Variants in PSMA8 observed in about 807,000 individuals in gnomAD.
PSMA8 encodes the protein proteasome 20S subunit alpha 8, also known as proteasome subunit alpha-type 8.
In PSMA8, 18 loss-of-function variants were observed where a neutral mutation model predicts 32.4. The observed-to-expected ratio is 0.56, with a 90% CI of 0.38 to 0.82. The LOEUF (loss-of-function observed/expected upper bound fraction) is 0.82, where lower values mean the gene tolerates loss of function less well. Among genes scored for constraint, PSMA8 ranks in the 40% least tolerant of loss-of-function variants. The pLI is 0.00. For synonymous variants in PSMA8, 104 were observed against 98.1 expected (o/e 1.06, Z -0.36); for missense variants, 298 against 300.7 (o/e 0.99, Z 0.07).
intron 6 of PSMA8, among the ~76,000 whole-genome samples, chr18:26,189,205 C>G (rs1048753728): frequency 2.6e-5 from 4 of 151,974 alleles, no homozygotes; most frequent in East Asian, 1.9e-4. Context: ...GTCTTCTTTT[C>G]TCAAAAGAAG....
intron 6 of PSMA8, 96 bp from the exon 7 acceptor site, chr18:26,192,223 A>C (rs2055409493): frequency 3.8e-6 from 4 of 1,042,286 alleles, no homozygotes; most frequent in Non-Finnish European, 2.5e-6. Context: ...TGTACATAGA[A>C]AGTATAAATT....
In PSMA8 at chr18:26,192,440, A is replaced by ATGTTT; in HGVS notation, c.*36_*40dup. ...TTAGGATGACCACTGGGAGGTCTTA[A>ATGTTT]TGTTTTGTTTTATTGTACTGCCTGA... On this transcript the variant is annotated 3_prime_UTR_variant, in exon 7 of 7. Transcript: ENST00000415576. The ATGTTT allele has an allele frequency of 2.6e-6, 4 of 1,513,446 alleles. No homozygotes were observed. Among genetic ancestry groups the ATGTTT allele is most frequent in the Non-Finnish European group, 3.5e-6 (4 of 1,143,212 alleles). 93.8% of individuals were successfully genotyped at this position (1,513,446 alleles called of 1,614,324 possible). A position where few individuals can be genotyped will look rare whatever the true frequency, so the allele number is the denominator to read the frequency against.
At chr18:26,141,608 TATA>T (rs2054956197) in intron 1 of PSMA8, among the ~76,000 whole-genome samples, 1 of 151,998 alleles carries the variant, frequency 6.6e-6, no homozygotes, top group African/African-American at 2.4e-5. Context: ...TGATCTGAAA[TATA>T]ATGTTTAAGA....
At chr18:26,148,831 C>A (rs976164869) in intron 2 of PSMA8, among the ~76,000 whole-genome samples, 5 of 151,826 alleles carry the variant, frequency 3.3e-5, no homozygotes, top group African/African-American at 1.2e-4. Context: ...AAATCAACAC[C>A]CCGGAGTAAT....
At chr18:26,161,257 G>T (rs1232834091) in intron 4 of PSMA8, among the ~76,000 whole-genome samples, 1 of 152,136 alleles carries the variant, frequency 6.6e-6, no homozygotes, top group Non-Finnish European at 1.5e-5. Flanking sequence ...TTACAAGTGG[G>T]CCATTAAGGA....
intron 6 of PSMA8, among the ~76,000 whole-genome samples, chr18:26,182,641 AG>A (rs1254105409): frequency 5.9e-5 from 9 of 152,246 alleles, no homozygotes; most frequent in African/African-American, 1.9e-4. Flanking sequence ...ACATGCATCA[AG>A]GCGTAATTTT....
At chr18:26,139,923 C>T in intron 1 of PSMA8, 1 of 605,246 alleles carries the variant, frequency 1.7e-6, no homozygotes, top group Admixed American at 2.7e-5. Context: ...ATAGTGTTTT[C>T]CTGATCTCGC....
At position 26,163,211 on chromosome 18, in the gene PSMA8, G is replaced by GTGTA. The variant is rs1416396557; in HGVS notation, c.477+4969_477+4972dup. ...AAAGGTGGTGTGTGTTTATGTGTGTGTGTATATATATATATATATATATAT... is the reference window on the plus strand; with the variant it reads ...AAAGGTGGTGTGTGTTTATGTGTGTGTGTATGTATATATATATATATATATATAT... On this transcript the variant is annotated intron_variant, in intron 4 of 6. Coordinates refer to ENST00000415576, the MANE Select transcript of PSMA8 (RefSeq NM_001025096.2). 2.1e-3 allele frequency among the ~76,000 whole-genome samples: 198 copies of GTGTA among 94,602 alleles called. 11 individuals are homozygous for GTGTA. The highest frequency in any genetic ancestry group is 0.012 in the African/African-American group (186 of 15,744). The allele number at this position is 94,602 out of a possible 152,430, so 62.1% of individuals were successfully genotyped here.
chr18:26,167,498 T>C (rs1270351917), intron 4 of PSMA8, among the ~76,000 whole-genome samples: 1 of 152,230 alleles, frequency 6.6e-6, no homozygotes, highest in African/African-American at 2.4e-5. Flanking sequence ...ATAGATGGAA[T>C]TGGGTCCCCC....
intron 6 of PSMA8, among the ~76,000 whole-genome samples, chr18:26,188,262 CA>C (rs1379682256): frequency 6.9e-6 from 1 of 145,784 alleles, no homozygotes; most frequent in African/African-American, 2.5e-5. Flanking sequence ...CCTAACATAT[CA>C]AAACATATGG....
chr18:26,146,682 G>A (rs1050673545), intron 2 of PSMA8, among the ~76,000 whole-genome samples: 2 of 152,118 alleles, frequency 1.3e-5, no homozygotes, highest in Non-Finnish European at 2.9e-5. Context: ...AAGATCCATT[G>A]AACCCAGCAG....
intron 1 of PSMA8, among the ~76,000 whole-genome samples, chr18:26,136,990 AT>A (rs370382754): frequency 6.6e-6 from 1 of 152,066 alleles, no homozygotes; most frequent in Non-Finnish European, 1.5e-5. Flanking sequence ...ATTTATAATT[AT>A]TTTTTTCTAG....
chr18:26,143,324 A>G (rs776417276), intron 1 of PSMA8, among the ~76,000 whole-genome samples: 1 of 152,030 alleles, frequency 6.6e-6, no homozygotes, highest in African/African-American at 2.4e-5. Context: ...TCCCAATCTG[A>G]GTGAGTGTGT....
intron 1 of PSMA8, among the ~76,000 whole-genome samples, 189 bp downstream of exon 1, chr18:26,134,256 A>C (rs1568050574): frequency 6.6e-6 from 1 of 151,840 alleles, no homozygotes; most frequent in Non-Finnish European, 1.5e-5. Flanking sequence ...GGCAGAGTAA[A>C]AGTTAGTAGA....
At chr18:26,146,955 G>A (rs2055008342) in intron 2 of PSMA8, among the ~76,000 whole-genome samples, 1 of 152,086 alleles carries the variant, frequency 6.6e-6, no homozygotes, top group Non-Finnish European at 1.5e-5. Flanking sequence ...GAAGGCAAAG[G>A]GGGAGTGAGA....
In PSMA8 at chr18:26,192,417, A is replaced by G; in HGVS notation, c.*6A>G. The G allele has an allele frequency of 3.9e-6, 6 of 1,524,702 alleles. No individual in the cohort carries two copies. Among genetic ancestry groups the G allele is most frequent in the Non-Finnish European group, 5.2e-6 (6 of 1,148,854 alleles). 94.4% of individuals were successfully genotyped at this position (1,524,702 alleles called of 1,614,324 possible). A position where few individuals can be genotyped will look rare whatever the true frequency, so the allele number is the denominator to read the frequency against. On this transcript the variant is annotated 3_prime_UTR_variant, in exon 7 of 7. Coordinates refer to ENST00000415576, the MANE Select transcript of PSMA8 (RefSeq NM_001025096.2). ...AATCAAAGAAATCTGTCTAATTCTT[A>G]GGATGACCACTGGGAGGTCTTAATG...
intron 3 of PSMA8, among the ~76,000 whole-genome samples, 171 bp from the exon 4 acceptor site, chr18:26,157,951 T>A (rs1301106052): frequency 6.6e-6 from 1 of 152,220 alleles, no homozygotes; most frequent in Non-Finnish European, 1.5e-5. Flanking sequence ...CATAATTTTT[T>A]AAAATTTCAT....
chr18:26,188,394 G>A (rs2055374136), intron 6 of PSMA8, among the ~76,000 whole-genome samples: 1 of 149,744 alleles, frequency 6.7e-6, no homozygotes, highest in South Asian at 2.1e-4. Context: ...AAGAATCAAT[G>A]TTTTTAAAAT....
At chr18:26,163,233 AT>A (rs2055151289) in intron 4 of PSMA8, among the ~76,000 whole-genome samples, 33 of 114,486 alleles carry the variant, frequency 2.9e-4, no homozygotes, top group African/African-American at 1.2e-3. Flanking sequence ...ATATATATAT[AT>A]ATATATATAT....
Sources: gnomAD v4.1 joint callset for allele counts (sites outside exome capture counted in the v4.1 genomes callset) on GRCh38, gnomAD v4.1.1 for gene constraint, MANE v1.5 for transcripts, NCBI Gene and HGNC (gene_info 2026-07-23, HGNC 2026-07-21) for gene names.